GRM5: variants seen among roughly 807,000 people sequenced by gnomAD.
GRM5 encodes the protein glutamate metabotropic receptor 5.
In GRM5, 19 loss-of-function variants were observed where a neutral mutation model predicts 83.1. The observed-to-expected ratio is 0.23, with a 90% CI of 0.16 to 0.34. GRM5 has a LOEUF of 0.34. Ranked by LOEUF, GRM5 falls within the 10% of genes least tolerant of loss-of-function variation. GRM5 has a pLI of 1.00. For missense variants in GRM5, 1,160 were observed against 1,588.3 expected, an observed-to-expected ratio of 0.73 and a Z score of 4.58; for synonymous variants, 675 against 633.6, an observed-to-expected ratio of 1.07 and a Z score of -0.98.
chr11:88,878,994 G>A (rs965484779), intron 2 of GRM5, among the ~76,000 whole-genome samples: 3 of 152,068 alleles, frequency 2.0e-5, no homozygotes, highest in African/African-American at 7.2e-5. Flanking sequence ...TCTGTACCTA[G>A]TTCTGGTGAT....
At chr11:88,695,433 A>C (rs1328164223) in intron 3 of GRM5, among the ~76,000 whole-genome samples, 1 of 152,172 alleles carries the variant, frequency 6.6e-6, no homozygotes, top group African/African-American at 2.4e-5. Context: ...ACAAAGGTAC[A>C]TTTCTACTTT....
chr11:88,886,122 G>A (rs1945040543), intron 2 of GRM5, among the ~76,000 whole-genome samples: 1 of 152,134 alleles, frequency 6.6e-6, no homozygotes, highest in South Asian at 2.1e-4. Flanking sequence ...TGGTGCATTT[G>A]CAGCCAGCCA....
At chr11:88,993,322 C>A (rs1341609547) in intron 2 of GRM5, among the ~76,000 whole-genome samples, 9 of 150,590 alleles carry the variant, frequency 6.0e-5, no homozygotes, top group Admixed American at 2.0e-4. Context: ...TATGGATATC[C>A]ATTTTTCCCA....
At chr11:88,971,248 T>G (rs1359362927) in intron 2 of GRM5, among the ~76,000 whole-genome samples, 2 of 152,210 alleles carry the variant, frequency 1.3e-5, no homozygotes, top group Non-Finnish European at 1.5e-5. Context: ...GTGCATATTA[T>G]TTGTATACAT....
intron 3 of GRM5, among the ~76,000 whole-genome samples, chr11:88,654,818 T>TA (rs1254161330): frequency 6.6e-6 from 1 of 152,084 alleles, no homozygotes; most frequent in Non-Finnish European, 1.5e-5. Context: ...ATATTTTGCA[T>TA]AAAAAATCAG....
chr11:88,671,866 T>A (rs1221986033), intron 3 of GRM5, among the ~76,000 whole-genome samples: 1 of 152,110 alleles, frequency 6.6e-6, no homozygotes, highest in Non-Finnish European at 1.5e-5. Context: ...TAAATGGGCT[T>A]GTTAATTTCA....
At chr11:89,003,194 A>C (rs1412378344) in intron 2 of GRM5, among the ~76,000 whole-genome samples, 1 of 152,136 alleles carries the variant, frequency 6.6e-6, no homozygotes, top group African/African-American at 2.4e-5. Context: ...ATGCTACACA[A>C]CCCTTGCTCT....
chr11:88,673,039 T>A (rs949644468), intron 3 of GRM5, among the ~76,000 whole-genome samples: 1 of 151,978 alleles, frequency 6.6e-6, no homozygotes, highest in Non-Finnish European at 1.5e-5. Context: ...CACATTTTTT[T>A]ATGTAAGGAA....
chr11:88,543,694 A>G (rs1286793952), intron 8 of GRM5, among the ~76,000 whole-genome samples: 1 of 140,780 alleles, frequency 7.1e-6, no homozygotes, highest in Non-Finnish European at 1.5e-5. Context: ...CTTTTTGTAT[A>G]CCCACAAAGG....
At chr11:89,026,754 T>C (rs1682149360) in intron 2 of GRM5, among the ~76,000 whole-genome samples, 1 of 152,212 alleles carries the variant, frequency 6.6e-6, no homozygotes, top group African/African-American at 2.4e-5. Flanking sequence ...TAATCACTCT[T>C]TCTTTACCTT....
At chr11:89,038,838 G>C (rs915207843) in intron 2 of GRM5, among the ~76,000 whole-genome samples, 1 of 152,104 alleles carries the variant, frequency 6.6e-6, no homozygotes, top group Non-Finnish European at 1.5e-5. Context: ...CAAAGGAGTT[G>C]GCTTTGGATC....
At chr11:89,064,886 CTCTGTGTGTGTGTG>C (rs1715438446) in intron 1 of GRM5, among the ~76,000 whole-genome samples, 2 of 72,772 alleles carry the variant, frequency 2.7e-5, no homozygotes, top group African/African-American at 1.1e-4. Context: ...CTCTCTCTCT[CTCTGTGTGTGTGTG>C]TGTGTGTGTG....
At chr11:88,741,507 A>G (rs1942028223) in intron 3 of GRM5, among the ~76,000 whole-genome samples, 1 of 152,050 alleles carries the variant, frequency 6.6e-6, no homozygotes, top group Admixed American at 6.6e-5. Flanking sequence ...GAACCTATAC[A>G]TGGGATTCCT....
intron 4 of GRM5, among the ~76,000 whole-genome samples, chr11:88,614,819 C>T (rs939885033): frequency 1.9e-4 from 29 of 152,140 alleles, no homozygotes; most frequent in South Asian, 6.2e-4. Context: ...GTCACTCAGG[C>T]GGTAAAAATC....
intron 3 of GRM5, among the ~76,000 whole-genome samples, chr11:88,771,511 T>C (rs999359715): frequency 7.9e-5 from 12 of 152,190 alleles, no homozygotes; most frequent in Admixed American, 2.0e-4. Context: ...GCATGTAGCA[T>C]GGGAGAAAGA....
intron 4 of GRM5, among the ~76,000 whole-genome samples, chr11:88,643,273 T>C (rs1404910206): frequency 2.9e-5 from 1 of 34,698 alleles, no homozygotes; most frequent in African/African-American, 4.2e-5. Flanking sequence ...GGTGCCATGC[T>C]TTACAACTAG....
chr11:88,786,450 T>TAATA (rs1430005075), intron 3 of GRM5, among the ~76,000 whole-genome samples: 1 of 152,180 alleles, frequency 6.6e-6, no homozygotes, highest in African/African-American at 2.4e-5. Flanking sequence ...AAAGTGCTTA[T>TAATA]AGTTCTTACA....
intron 4 of GRM5, among the ~76,000 whole-genome samples, chr11:88,642,461 G>A (rs371948571): frequency 6.6e-6 from 1 of 152,224 alleles, no homozygotes; most frequent in South Asian, 2.1e-4. Flanking sequence ...CTAGCAAGTG[G>A]TTGCTCCACA....
intron 2 of GRM5, among the ~76,000 whole-genome samples, chr11:88,952,068 T>C (rs922376593): frequency 1.3e-5 from 2 of 152,154 alleles, no homozygotes; most frequent in African/African-American, 4.8e-5. Flanking sequence ...AGCCAACTTC[T>C]CAGGTGTCAG....
Sources: gnomAD v4.1 joint callset for allele counts (sites outside exome capture counted in the v4.1 genomes callset) on GRCh38, gnomAD v4.1.1 for gene constraint, MANE v1.5 for transcripts, NCBI Gene and HGNC (gene_info 2026-07-23, HGNC 2026-07-21) for gene names.